FSTL5: variants seen among roughly 807,000 people sequenced by gnomAD.
The protein encoded by FSTL5 is follistatin like 5, also known as follistatin-related protein 5.
In FSTL5, 62 loss-of-function variants were observed where a neutral mutation model predicts 89.1. That is an observed-to-expected ratio of 0.70 (90% CI 0.57 to 0.86). FSTL5 has a LOEUF of 0.86. Ranked by LOEUF, FSTL5 falls within the 40% of genes least tolerant of loss-of-function variation. FSTL5 has a pLI of 0.00. For synonymous variants in FSTL5, 383 were observed against 346.2 expected, an observed-to-expected ratio of 1.11 and a Z score of -1.18; for missense variants, 1,057 against 1,001.6, an observed-to-expected ratio of 1.06 and a Z score of -0.75.
At chr4:161,801,412 C>T (rs1357895091) in intron 4 of FSTL5, among the ~76,000 whole-genome samples, 1 of 151,310 alleles carries the variant, frequency 6.6e-6, no homozygotes, top group Non-Finnish European at 1.5e-5. Context: ...AGCTTTATGC[C>T]TTCATGTGGT....
chr4:161,437,345 T>A (rs182369308), intron 15 of FSTL5, among the ~76,000 whole-genome samples: 2 of 151,962 alleles, frequency 1.3e-5, no homozygotes, highest in Admixed American at 6.5e-5. Context: ...GGCGGGCGGA[T>A]TACGAGGTCA....
chr4:161,494,412 A>G (rs113130577), intron 12 of FSTL5, among the ~76,000 whole-genome samples: 4 of 152,308 alleles, frequency 2.6e-5, no homozygotes, highest in Admixed American at 6.5e-5. Context: ...TTGCAGAAGT[A>G]TAAGTGGACT....
chr4:162,100,074 C>A (rs1261378772), intron 2 of FSTL5, among the ~76,000 whole-genome samples: 1 of 152,068 alleles, frequency 6.6e-6, no homozygotes, highest in East Asian at 1.9e-4. Flanking sequence ...TTGGTATTTA[C>A]CCAAAAGAGC....
rs567003378 is a variant in FSTL5, at chr4:161,949,328, T to C, written c.161-28676A>G. The stretch of plus-strand genomic sequence containing the variant: ...CACATCTGCAAAGTTCCTTCAGTCA[T>C]GTAAGAATTCGGACAGAAACATCTT... On this transcript the variant is annotated intron_variant, in intron 3 of 15. Coordinates refer to ENST00000306100, the MANE Select transcript of FSTL5 (RefSeq NM_020116.5). Among the ~76,000 whole-genome samples the C allele has an allele frequency of 5.3e-5, 8 of 152,282 alleles. No individual in the cohort carries two copies. The South Asian group carries it at 1.4e-3, about 28-fold the overall frequency.
chr4:161,692,915 A>G (rs1737996347), intron 6 of FSTL5, among the ~76,000 whole-genome samples: 1 of 151,878 alleles, frequency 6.6e-6, no homozygotes, highest in Non-Finnish European at 1.5e-5. Flanking sequence ...GTAGAGAAGG[A>G]GTTTCACCAT....
At chr4:161,514,528 T>C (rs1385395098) in intron 10 of FSTL5, among the ~76,000 whole-genome samples, 1 of 152,168 alleles carries the variant, frequency 6.6e-6, no homozygotes, top group Non-Finnish European at 1.5e-5. Flanking sequence ...ATTCAGGTGA[T>C]AGTTACACTA....
chr4:162,062,776 C>A (rs1205854374), intron 2 of FSTL5, among the ~76,000 whole-genome samples: 3 of 150,776 alleles, frequency 2.0e-5, no homozygotes, highest in Admixed American at 6.6e-5. Context: ...GTAAGCAATA[C>A]TTTCAAATTT....
intron 4 of FSTL5, among the ~76,000 whole-genome samples, chr4:161,910,256 C>T (rs569271960): frequency 3.3e-5 from 5 of 152,226 alleles, no homozygotes; most frequent in African/African-American, 7.2e-5. Flanking sequence ...TTGAAGTACA[C>T]CAGAGTTCTC....
At chr4:161,694,983 G>GAA (rs201292482) in intron 6 of FSTL5, among the ~76,000 whole-genome samples, 4 of 150,294 alleles carry the variant, frequency 2.7e-5, no homozygotes, top group Admixed American at 2.0e-4. Context: ...TTAAAAAATA[G>GAA]AAAAAAAATG....
intron 7 of FSTL5, among the ~76,000 whole-genome samples, chr4:161,628,705 T>C (rs1735396459): frequency 6.6e-6 from 1 of 152,172 alleles, no homozygotes; most frequent in East Asian, 1.9e-4. Context: ...CCATTACTAA[T>C]TGGTAATTTA....
chr4:162,033,098 T>A (rs144116098), intron 3 of FSTL5, among the ~76,000 whole-genome samples: 2 of 152,318 alleles, frequency 1.3e-5, no homozygotes, highest in Non-Finnish European at 2.9e-5. Flanking sequence ...ATTATCTCAA[T>A]GAGTAAACTT....
At position 161,667,533 on chromosome 4, in the gene FSTL5, C is replaced by T. The variant is rs141855027; in HGVS notation, c.728-11039G>A. On this transcript the variant is annotated intron_variant, in intron 6 of 15. Transcript: ENST00000306100. The stretch of plus-strand genomic sequence containing the variant: ...ATAGTAAGGTATTGACATTGCAAGA[C>T]TTGTTATATTAAGTTTAAAATCTCA... 6.0e-3 allele frequency among the ~76,000 whole-genome samples: 920 copies of T among 152,126 alleles called. 9 individuals carry two copies. The highest frequency in any genetic ancestry group is 0.045 in the South Asian group (219 of 4,822).
At chr4:161,752,420 A>G (rs1269085380) in intron 6 of FSTL5, among the ~76,000 whole-genome samples, 1 of 152,062 alleles carries the variant, frequency 6.6e-6, no homozygotes, top group Non-Finnish European at 1.5e-5. Context: ...TACTTGATGG[A>G]TGCTTATATG....
At chr4:161,646,233 CAT>C (rs1213987312) in intron 7 of FSTL5, among the ~76,000 whole-genome samples, 1 of 147,886 alleles carries the variant, frequency 6.8e-6, no homozygotes, top group Non-Finnish European at 1.5e-5. Flanking sequence ...ATGTATATCT[CAT>C]ATATATTTTT....
chr4:161,409,903 G>A (rs1041861354), intron 15 of FSTL5, among the ~76,000 whole-genome samples: 1 of 151,988 alleles, frequency 6.6e-6, no homozygotes, highest in African/African-American at 2.4e-5. Context: ...ATGTAAATAG[G>A]CTTACTTAAA....
At chr4:161,409,832 A>T (rs138195158) in intron 15 of FSTL5, among the ~76,000 whole-genome samples, 2 of 152,354 alleles carry the variant, frequency 1.3e-5, no homozygotes, top group East Asian at 3.9e-4. Flanking sequence ...CTATATATTA[A>T]ATAACAAACA....
At chr4:161,417,601 G>T (rs956121452) in intron 15 of FSTL5, among the ~76,000 whole-genome samples, 2 of 152,102 alleles carry the variant, frequency 1.3e-5, no homozygotes, top group African/African-American at 2.4e-5. Context: ...TTAAGATTTG[G>T]GCCCGGGGGC....
intron 13 of FSTL5, among the ~76,000 whole-genome samples, chr4:161,463,592 C>T (rs1312410571): frequency 1.3e-5 from 2 of 152,134 alleles, no homozygotes; most frequent in African/African-American, 4.8e-5. Context: ...ATAAATAACA[C>T]ACTGGATTTT....
At chr4:161,706,886 T>A (rs1738602564) in intron 6 of FSTL5, among the ~76,000 whole-genome samples, 1 of 151,976 alleles carries the variant, frequency 6.6e-6, no homozygotes, top group South Asian at 2.1e-4. Flanking sequence ...TTGATTGGGA[T>A]CATTTCATTA....
Sources: allele counts gnomAD v4.1 joint callset (sites outside exome capture counted in the v4.1 genomes callset), GRCh38; gene constraint gnomAD v4.1.1; transcripts MANE v1.5; gene names NCBI Gene and HGNC (gene_info 2026-07-23, HGNC 2026-07-21).